SPATA21: variants seen among roughly 807,000 people sequenced by gnomAD.
The protein encoded by SPATA21 is spermatogenesis-associated protein 21.
SPATA21 carries 47 observed loss-of-function variants against 54.8 expected under a neutral mutation model. The observed-to-expected ratio is 0.86, with a 90% CI of 0.68 to 1.09. SPATA21 has a LOEUF of 1.09. SPATA21 is among the 50% of genes least tolerant of loss of function. The probability of loss-of-function intolerance (pLI) is 0.00; values close to 1 mark genes in which losing one functional copy is unlikely to be tolerated. For synonymous variants in SPATA21, 245 were observed against 235.3 expected (o/e 1.04, Z -0.38); for missense variants, 599 against 596.4 (o/e 1.00, Z -0.05).
chr1:16,434,086 T>C (rs1401731826), intron 1 of SPATA21, among the ~76,000 whole-genome samples: 2 of 151,886 alleles, frequency 1.3e-5, no homozygotes, highest in Non-Finnish European at 2.9e-5. Flanking sequence ...GAACATTCCA[T>C]ATAAATGGAA....
chr1:16,430,035 T>C (rs1331122463), intron 3 of SPATA21, among the ~76,000 whole-genome samples: 2 of 145,788 alleles, frequency 1.4e-5, no homozygotes, highest in Non-Finnish European at 3.0e-5. Context: ...GGAAATCATT[T>C]GAACCCAGGA....
intron 3 of SPATA21, 164 bp from the exon 4 acceptor site, chr1:16,422,135 A>G: frequency 6.7e-7 from 1 of 1,490,548 alleles, no homozygotes; most frequent in South Asian, 1.3e-5. Flanking sequence ...AGCGGCAGCA[A>G]GGCTCTGCTG....
intron 7 of SPATA21, among the ~76,000 whole-genome samples, chr1:16,407,298 G>A (rs2085674009): frequency 1.3e-5 from 2 of 152,148 alleles, no homozygotes; most frequent in Admixed American, 1.3e-4. Flanking sequence ...ACTGGAGCAG[G>A]GCAGTCGGCC....
intron 5 of SPATA21, chr1:16,410,872 C>G (rs1252268296): frequency 4.5e-5 from 16 of 358,346 alleles, no homozygotes; most frequent in Non-Finnish European, 8.6e-5. Flanking sequence ...TGAGTTACTC[C>G]TGGTCCCACC....
At chr1:16,418,332 C>G (rs182922747) in intron 5 of SPATA21, among the ~76,000 whole-genome samples, 1 of 152,118 alleles carries the variant, frequency 6.6e-6, no homozygotes, top group Non-Finnish European at 1.5e-5. Context: ...AGTGCAGTGG[C>G]GTGATCTCGG....
chr1:16,404,109 G>T, intron 8 of SPATA21, 70 bp from the exon 9 acceptor site: 2 of 1,349,512 alleles, frequency 1.5e-6, no homozygotes, highest in South Asian at 1.3e-5. Flanking sequence ...GCCCAGGCGT[G>T]GTTATTAGAA....
At chr1:16,425,682 C>T (rs532848023) in intron 3 of SPATA21, 1 of 1,550,246 alleles carries the variant, frequency 6.5e-7, no homozygotes, top group East Asian at 2.5e-5. Context: ...TCCTGGCCTG[C>T]TTGCAGCTCC....
rs116195554 is a variant in SPATA21 at position 16,434,353 on chromosome 1, G to A, written c.-186-1429C>T. ...CAGGCTGGAGTGCAGCAGTGCGATCGTAGCTTACTATAGCCTCAAACTCCT... is the reference window on the plus strand; with the variant it reads ...CAGGCTGGAGTGCAGCAGTGCGATCATAGCTTACTATAGCCTCAAACTCCT... On this transcript the variant is annotated intron_variant, in intron 1 of 12. Transcript: ENST00000335496. Among the ~76,000 whole-genome samples the A allele has an allele frequency of 5.3e-3, 798 of 150,882 alleles. 7 individuals carry two copies. The highest frequency in any genetic ancestry group is 0.01 in the Middle Eastern group (3 of 294).
chr1:16,409,834 G>C lies in SPATA21; in HGVS notation c.354C>G (p.Thr118=). 1 of 1,600,764 alleles carries C rather than the reference G, an allele frequency of 6.2e-7. No individual in the cohort carries two copies. Among genetic ancestry groups the C allele is most frequent in the Non-Finnish European group, 8.5e-7 (1 of 1,174,246 alleles). ...QTAQKSPRTL[T]PVPTSAPSLP... ...GGCTTGGAGCTGAGGTGGGCACCGGGGTCAGGGTCCTGGGCGACTTCTGGG... is the reference window on the plus strand; with the variant it reads ...GGCTTGGAGCTGAGGTGGGCACCGGCGTCAGGGTCCTGGGCGACTTCTGGG... The change falls in exon 6 of 13, where the codon ACC becomes ACG. Residue 118 remains threonine, a synonymous_variant. Transcript: ENST00000335496. The surrounding 1 kb of genome is among the most constrained non-coding windows in gnomAD (Gnocchi z 4.1).
chr1:16,421,495 A>G lies in SPATA21; in HGVS notation c.144+14T>C, dbSNP rs377716340. The G allele has an allele frequency of 2.4e-5, 38 of 1,610,434 alleles. No homozygotes were observed. The highest frequency in any genetic ancestry group is 1.6e-4 in the Middle Eastern group (1 of 6,064). On this transcript the variant is annotated intron_variant, in intron 5 of 12. Coordinates refer to ENST00000335496, the MANE Select transcript of SPATA21 (RefSeq NM_198546.1). The surrounding 1 kb of genome is among the most constrained non-coding windows in gnomAD (Gnocchi z 5.2). ...TACACAGCTCGTCCCCGTTCCCCCT[A>G]TGGCCCTACTTACTGGTGGAGGAAG... is the stretch of plus-strand genomic sequence containing the variant.
Position 16,404,018 on chromosome 1 carries a change from TTGAAGTCCACACGACCATCTCCTG to T in SPATA21, c.812-3_832del, listed in dbSNP as rs2085544598. On this transcript the variant is annotated splice_acceptor_variant and splice_polypyrimidine_tract_variant and coding_sequence_variant and intron_variant, in exon 9 of 13. Transcript: ENST00000335496. LOFTEE classifies it high-confidence loss of function. ...GTCTGTCATCACAGCCAAGAAGTCT[TTGAAGTCCACACGACCATCTCCTG>T]TGGAGGCCAGAGGAGTAGGGTGGGC... 1 of 1,557,530 alleles carries T rather than the reference TTGAAGTCCACACGACCATCTCCTG, an allele frequency of 6.4e-7. No homozygotes were observed. The highest frequency in any genetic ancestry group is 1.4e-5 in the African/African-American group (1 of 73,336).
chr1:16,427,898 T>G, intron 3 of SPATA21: 1 of 1,549,938 alleles, frequency 6.5e-7, no homozygotes, highest in Non-Finnish European at 8.7e-7. Flanking sequence ...TCCTGGATTC[T>G]GAGCTCTGAA....
intron 5 of SPATA21, among the ~76,000 whole-genome samples, chr1:16,414,224 G>C (rs529466848): frequency 9.9e-5 from 15 of 151,970 alleles, no homozygotes; most frequent in Non-Finnish European, 2.2e-4. Context: ...CGCCACCACA[G>C]CCTGGCTAAT....
intron 5 of SPATA21, among the ~76,000 whole-genome samples, chr1:16,419,903 G>A (rs1346530492): frequency 6.6e-6 from 1 of 152,180 alleles, no homozygotes; most frequent in African/African-American, 2.4e-5. Context: ...TTGCGCCACT[G>A]CACTTCAGCC....
At chr1:16,425,841 C>A (rs2086304045) in intron 3 of SPATA21, 1 of 879,810 alleles carries the variant, frequency 1.1e-6, no homozygotes, top group Non-Finnish European at 1.7e-6. Flanking sequence ...CTGGAAGGAC[C>A]AATGAAGGAC....
chr1:16,403,596 C>T, intron 10 of SPATA21, 131 bp downstream of exon 10: 1 of 761,370 alleles, frequency 1.3e-6, no homozygotes, highest in South Asian at 1.5e-5. Context: ...TCAAGCGATT[C>T]TCGTGCCTCA....
chr1:16,426,266 T>C (rs2086314805), intron 3 of SPATA21, among the ~76,000 whole-genome samples: 1 of 151,872 alleles, frequency 6.6e-6, no homozygotes, highest in South Asian at 2.1e-4. Context: ...TATTTATTTA[T>C]TTATTTATTT....
chr1:16,398,535 A>T, downstream of SPATA21: 1 of 552,908 alleles, frequency 1.8e-6, no homozygotes, highest in South Asian at 2.0e-5. Context: ...CACCTGTAGC[A>T]GAAATCCCAA....
chr1:16,433,587 A>C (rs1348824054), intron 1 of SPATA21, among the ~76,000 whole-genome samples: 1 of 152,156 alleles, frequency 6.6e-6, no homozygotes, highest in African/African-American at 2.4e-5. Context: ...CTGCCTGAGA[A>C]TGTGCAGGCT....
Sources: gnomAD v4.1 joint callset for allele counts (sites outside exome capture counted in the v4.1 genomes callset) on GRCh38, gnomAD v4.1.1 for gene constraint, Gnocchi (gnomAD v3.1) non-coding constraint, MANE v1.5 for transcripts, NCBI Gene and HGNC (gene_info 2026-07-23, HGNC 2026-07-21) for gene names.